Variants in KLF7 observed in about 807,000 individuals in gnomAD.
KLF7 encodes KLF transcription factor 7, also known as Krueppel-like factor 7.
KLF7 carries 2 observed loss-of-function variants against 27.3 expected under a neutral mutation model. That is an observed-to-expected ratio of 0.07 (90% CI 0.03 to 0.23). The LOEUF (loss-of-function observed/expected upper bound fraction) is 0.23. Ranked by LOEUF, KLF7 falls within the 10% of genes least tolerant of loss-of-function variation. The pLI is 1.00. For synonymous variants in KLF7, 165 were observed against 162.4 expected (o/e 1.02, Z -0.12); for missense variants, 221 against 394.1 (o/e 0.56, Z 3.72).
intron 1 of KLF7, among the ~76,000 whole-genome samples, chr2:207,146,969 G>C (rs1382337413): frequency 6.6e-6 from 1 of 152,192 alleles, no homozygotes; most frequent in Non-Finnish European, 1.5e-5. Flanking sequence ...TGGGCTAGAA[G>C]GGGTTGGGCA....
intron 2 of KLF7, among the ~76,000 whole-genome samples, chr2:207,120,066 C>T (rs893494537): frequency 6.6e-6 from 1 of 152,172 alleles, no homozygotes; most frequent in African/African-American, 2.4e-5. Context: ...TCCCATTCCT[C>T]GCCTCGTTAT....
chr2:207,084,580 C>T (rs1055257962), intron 3 of KLF7, among the ~76,000 whole-genome samples: 2 of 152,230 alleles, frequency 1.3e-5, no homozygotes, highest in Middle Eastern at 3.4e-3. Context: ...AGGTCCCTTA[C>T]TATTGAGGTT....
At position 207,123,945 on chromosome 2, in the gene KLF7, C is replaced by G; in HGVS notation, c.562G>C (p.Val188Leu). 1 of 1,614,202 alleles carries G rather than the reference C, an allele frequency of 6.2e-7. No homozygotes were observed. The highest frequency in any genetic ancestry group is 2.2e-5 in the East Asian group (1 of 44,874). The change falls in exon 2 of 4, where the codon GTG (valine) becomes CTG (leucine). Residue 188 changes from valine to leucine, a missense_variant. By Grantham distance (32) the Val-to-Leu change is conservative. This residue lies in a region of KLF7 where 180 missense variants were observed against 227.9 expected (regional missense o/e 0.79). Transcript: ENST00000309446. ...VGGVATAAAA[V>L]TAAGAVKSGQ... ...CTCTTAACGGCCCCCGCAGCCGTCACGGCTGCTGCAGCTGTTGCGACCCCT... is the reference window on the plus strand; with the variant it reads ...CTCTTAACGGCCCCCGCAGCCGTCAGGGCTGCTGCAGCTGTTGCGACCCCT...
intron 1 of KLF7, 65 bp from the exon 2 acceptor site, chr2:207,124,469 G>C (rs2077426671): frequency 6.9e-6 from 10 of 1,451,538 alleles, no homozygotes; most frequent in Non-Finnish European, 9.3e-6. Context: ...GAGGCCACAC[G>C]TTGACAGGCA....
intron 2 of KLF7, among the ~76,000 whole-genome samples, chr2:207,117,550 C>T (rs185416973): frequency 1.9e-3 from 285 of 152,230 alleles, no homozygotes; most frequent in Non-Finnish European, 2.8e-3. Context: ...CCATGTGTCT[C>T]GGCATATTAA....
chr2:207,157,250 T>G (rs1351621247), intron 1 of KLF7, among the ~76,000 whole-genome samples: 3 of 148,730 alleles, frequency 2.0e-5, no homozygotes, highest in Admixed American at 1.3e-4. Context: ...AAGAAAAGCT[T>G]TATTATAACT....
chr2:207,111,133 A>G (rs2105937664), intron 2 of KLF7, among the ~76,000 whole-genome samples: 1 of 152,346 alleles, frequency 6.6e-6, no homozygotes, highest in South Asian at 2.1e-4. Flanking sequence ...GAACCACCAC[A>G]TTAGGCAACT....
chr2:207,153,626 CTT>C (rs5838051), intron 1 of KLF7, among the ~76,000 whole-genome samples: 9 of 149,706 alleles, frequency 6.0e-5, no homozygotes, highest in South Asian at 2.1e-4. Context: ...TATTAAGAAT[CTT>C]TTTTTTTTTC....
intron 2 of KLF7, among the ~76,000 whole-genome samples, chr2:207,096,775 A>G (rs1368081229): frequency 6.6e-6 from 1 of 152,226 alleles, no homozygotes; most frequent in Non-Finnish European, 1.5e-5. Context: ...TGGCTAGCAC[A>G]AACGTTATAC....
rs910034777 is a variant in KLF7, at chr2:207,077,881, C to G, written c.*3332G>C. 6.6e-6 allele frequency: 1 copy of G among 152,290 alleles called. No individual in the cohort carries two copies. The highest frequency in any genetic ancestry group is 1.5e-5 in the Non-Finnish European group (1 of 68,030). 9.4% of individuals were successfully genotyped at this position (152,290 alleles called of 1,614,324 possible). ...TAAAAGCGTGCTTGTTAGGACACCA[C>G]CAGAAACACCAGGCCGGGTTTTTCC... On this transcript the variant is annotated 3_prime_UTR_variant, in exon 4 of 4. Coordinates refer to ENST00000309446, the MANE Select transcript of KLF7 (RefSeq NM_003709.4).
At chr2:207,126,116 A>G (rs1361222382) in intron 1 of KLF7, among the ~76,000 whole-genome samples, 1 of 152,160 alleles carries the variant, frequency 6.6e-6, no homozygotes, top group Admixed American at 6.5e-5. Context: ...CAGTATGATG[A>G]CCTTCTCAGG....
rs1316155081 is a variant in KLF7 at position 207,074,173 on chromosome 2, A to G, written c.*7040T>C. 6.6e-6 allele frequency: 1 copy of G among 152,226 alleles called. No homozygotes were observed. Among genetic ancestry groups the G allele is most frequent in the Non-Finnish European group, 1.5e-5 (1 of 68,046 alleles). 9.4% of individuals were successfully genotyped at this position (152,226 alleles called of 1,614,324 possible). A position where few individuals can be genotyped will look rare whatever the true frequency, so the allele number is the denominator to read the frequency against. ...AACATTTATTGGAAAGTTTCTTGTC[A>G]GATTCATTTGATTAGGGATAGAGGT... is the stretch of plus-strand genomic sequence containing the variant. On this transcript the variant is annotated 3_prime_UTR_variant, in exon 4 of 4. Transcript: ENST00000309446.
chr2:207,142,995 A>G (rs1271242963), intron 1 of KLF7, among the ~76,000 whole-genome samples: 1 of 152,250 alleles, frequency 6.6e-6, no homozygotes, highest in Non-Finnish European at 1.5e-5. Context: ...GAAACCCAGT[A>G]GCCGTATTAA....
chr2:207,134,848 G>A (rs973928808), intron 1 of KLF7, among the ~76,000 whole-genome samples: 14 of 152,234 alleles, frequency 9.2e-5, no homozygotes, highest in African/African-American at 3.1e-4. Flanking sequence ...CCTGTAAAAT[G>A]GGGTAATAGT....
At chr2:207,129,026 C>G (rs184027069) in intron 1 of KLF7, among the ~76,000 whole-genome samples, 1 of 152,032 alleles carries the variant, frequency 6.6e-6, no homozygotes, top group African/African-American at 2.4e-5. Context: ...ACTATGGTTG[C>G]GTAACATTAG....
intron 2 of KLF7, 42 bp from the exon 3 acceptor site, chr2:207,088,623 A>G (rs1019332758): frequency 2.1e-5 from 33 of 1,602,160 alleles, no homozygotes; most frequent in Non-Finnish European, 2.6e-5. Flanking sequence ...CAGCAGGAAC[A>G]AAAGGGATTA....
At chr2:207,140,220 A>C (rs1280112447) in intron 1 of KLF7, among the ~76,000 whole-genome samples, 1 of 152,202 alleles carries the variant, frequency 6.6e-6, no homozygotes, top group Non-Finnish European at 1.5e-5. Context: ...GAAAACTTAT[A>C]AACACAATTT....
intron 1 of KLF7, among the ~76,000 whole-genome samples, chr2:207,141,184 C>A (rs2077932455): frequency 6.6e-6 from 1 of 152,034 alleles, no homozygotes; most frequent in Admixed American, 6.6e-5. Context: ...GCTTAGGGAA[C>A]CAGGGTATGA....
At chr2:207,148,970 C>A (rs2078170416) in intron 1 of KLF7, 5 of 1,101,352 alleles carry the variant, frequency 4.5e-6, no homozygotes, top group Admixed American at 4.4e-5. Context: ...ATATGATATA[C>A]CCAGTCATTA....
Sources: gnomAD v4.1 joint callset for allele counts (sites outside exome capture counted in the v4.1 genomes callset) on GRCh38, gnomAD v4.1.1 for gene constraint, gnomAD v4.1.1 regional missense constraint, MANE v1.5 for transcripts, NCBI Gene and HGNC (gene_info 2026-07-23, HGNC 2026-07-21) for gene names.